EXOSC9: variants seen among roughly 807,000 people sequenced by gnomAD.
The protein encoded by EXOSC9 is exosome component 9.
Under a neutral mutation model 56.5 loss-of-function variants are expected in EXOSC9, and 38 were observed. The observed-to-expected ratio is 0.67, with a 90% CI of 0.52 to 0.88. The LOEUF (loss-of-function observed/expected upper bound fraction) is 0.88, where lower values mean the gene tolerates loss of function less well. EXOSC9 is among the 40% of genes least tolerant of loss of function. EXOSC9 has a pLI of 0.00. For missense variants in EXOSC9, 559 were observed against 530.5 expected, an observed-to-expected ratio of 1.05 and a Z score of -0.53; for synonymous variants, 170 against 170.8, an observed-to-expected ratio of 0.99 and a Z score of 0.04.
chr4:121,816,977 T>C lies in EXOSC9; in HGVS notation c.*121T>C, dbSNP rs3217779. 3.1e-4 allele frequency: 324 copies of C among 1,059,526 alleles called. 4 individuals are homozygous for C. In the East Asian group the frequency reaches 8.0e-3, roughly 26 times the overall value. The allele number at this position is 1,059,526 out of a possible 1,614,324, so 65.6% of individuals were successfully genotyped here. The stretch of plus-strand genomic sequence containing the variant: ...AAATCTAGCAGGATTTTAAAAATAG[T>C]TTTTTGTTTTTAATGTGCTTTAAAA... On this transcript the variant is annotated 3_prime_UTR_variant, in exon 12 of 12. Transcript: ENST00000243498.
chr4:121,816,460 T>G lies in EXOSC9; in HGVS notation c.1235+13T>G. 1 of 1,522,984 alleles carries G rather than the reference T, an allele frequency of 6.6e-7. No individual in the cohort carries two copies. Among genetic ancestry groups the G allele is most frequent in the Non-Finnish European group, 8.9e-7 (1 of 1,121,608 alleles). 94.3% of individuals were successfully genotyped at this position (1,522,984 alleles called of 1,614,324 possible). ...CAAAGAAAATAAGGTAACAAATTTC[T>G]GGTTTATTTCAAATGTATACATATA... On this transcript the variant is annotated intron_variant, in intron 11 of 11. Coordinates refer to ENST00000243498, the MANE Select transcript of EXOSC9 (RefSeq NM_005033.3).
intron 1 of EXOSC9, 137 bp from the exon 2 acceptor site, chr4:121,801,690 G>A (rs2149033354): frequency 2.4e-6 from 2 of 826,674 alleles, no homozygotes; most frequent in East Asian, 5.2e-5. Context: ...CCATGCTGTA[G>A]TTTCCACTTT....
chr4:121,803,023 G>A lies in EXOSC9; in HGVS notation c.384+6G>A. On this transcript the variant is annotated splice_donor_region_variant and intron_variant, in intron 4 of 11. Coordinates refer to ENST00000243498, the MANE Select transcript of EXOSC9 (RefSeq NM_005033.3). Reference sequence around the variant, plus strand: ...GTGTTGTTGCTGGTGAAAAGGTGGGGAATATGCCCATAATTCTTAATCTTA... The same window carrying A: ...GTGTTGTTGCTGGTGAAAAGGTGGGAAATATGCCCATAATTCTTAATCTTA... 5 of 1,573,016 alleles carry A rather than the reference G, an allele frequency of 3.2e-6. No individual in the cohort carries two copies. The Admixed American group carries it at 5.0e-5, about 16-fold the overall frequency.
intron 2 of EXOSC9, among the ~76,000 whole-genome samples, chr4:121,802,204 T>C (rs1209231769): frequency 3.3e-5 from 5 of 152,244 alleles, no homozygotes; most frequent in Non-Finnish European, 7.3e-5. Flanking sequence ...CTCACACTAA[T>C]ATAGAGATCT....
chr4:121,801,482 GAGA>G lies in EXOSC9; in HGVS notation c.64_66del (p.Lys22del), dbSNP rs746951132. 3.1e-6 allele frequency: 5 copies of G among 1,614,218 alleles called. No homozygotes were observed. The highest frequency in any genetic ancestry group is 2.7e-5 in the African/African-American group (2 of 75,058). On this transcript the variant is annotated inframe_deletion, in exon 1 of 12. Transcript: ENST00000243498. ...CCGCTTCCTACTCCGTGCCATCGAA[GAGA>G]AGAAGGTATGGTTTGGTGCCCGCAG...
intron 11 of EXOSC9, 100 bp from the exon 12 acceptor site, chr4:121,816,672 C>A: frequency 8.2e-7 from 1 of 1,217,364 alleles, no homozygotes; most frequent in Non-Finnish European, 1.1e-6. Flanking sequence ...TCATAGCTGA[C>A]ACATTTTAGA....
chr4:121,816,677 T>C, intron 11 of EXOSC9, 95 bp from the exon 12 acceptor site: 1 of 1,289,676 alleles, frequency 7.8e-7, no homozygotes, highest in Non-Finnish European at 1.0e-6. Flanking sequence ...GCTGACACAT[T>C]TTAGATCCTA....
intron 6 of EXOSC9, 166 bp from the exon 7 acceptor site, chr4:121,809,801 A>G: frequency 1.5e-6 from 1 of 656,864 alleles, no homozygotes; most frequent in Non-Finnish European, 2.7e-6. Flanking sequence ...GTTCATAAAC[A>G]CAATAATTTT....
intron 10 of EXOSC9, 75 bp downstream of exon 10, chr4:121,814,122 CATAAA>C: frequency 1.1e-6 from 1 of 880,514 alleles, no homozygotes; most frequent in Non-Finnish European, 1.8e-6. Context: ...ATATATAATG[CATAAA>C]ATGTGTGTAT....
rs370861791 is a variant in EXOSC9 at position 121,813,288 on chromosome 4, A to T, written c.882A>T (p.Thr294=). ...AGTCTATAGCAAATCAAAGGATCACAGCATTTAAAATGGAAAAGGCCCCTA... is the reference window on the plus strand; with the variant it reads ...AGTCTATAGCAAATCAAAGGATCACTGCATTTAAAATGGAAAAGGCCCCTA... ...FAESIANQRI[T]AFKMEKAPID... Residue 294 remains threonine (T), a synonymous_variant, in exon 9 of 12, where the codon ACA becomes ACT. Coordinates refer to ENST00000243498, the MANE Select transcript of EXOSC9 (RefSeq NM_005033.3). 6.2e-7 allele frequency: 1 copy of T among 1,614,010 alleles called. No homozygotes were observed. The highest frequency in any genetic ancestry group is 2.2e-5 in the East Asian group (1 of 44,852).
chr4:121,816,195 G>A (rs771377470), intron 10 of EXOSC9, 174 bp from the exon 11 acceptor site: 4 of 641,590 alleles, frequency 6.2e-6, no homozygotes, highest in Non-Finnish European at 1.1e-5. Flanking sequence ...CTGACCTCAG[G>A]TAATCCACCT....
intron 8 of EXOSC9, among the ~76,000 whole-genome samples, chr4:121,812,631 C>G (rs1215098218): frequency 6.6e-6 from 1 of 152,102 alleles, no homozygotes. Flanking sequence ...GCTGAGATTA[C>G]AGATGCATAC....
chr4:121,816,038 C>T (rs1724487167), intron 10 of EXOSC9: 5 of 961,006 alleles, frequency 5.2e-6, no homozygotes, highest in Non-Finnish European at 7.0e-6. Context: ...GGCACTGCAA[C>T]CTCCACCTCC....
Position 121,816,112 on chromosome 4 carries a change from C to T in EXOSC9, c.1157-257C>T, listed in dbSNP as rs761028977. On this transcript the variant is annotated intron_variant, in intron 10 of 11. Coordinates refer to ENST00000243498, the MANE Select transcript of EXOSC9 (RefSeq NM_005033.3). The stretch of plus-strand genomic sequence containing the variant: ...CTGGGCCTACAAGCACATGCCACCA[C>T]GCCTGGCTAATTTTTCTATTATTTT... 40 of 638,440 alleles carry T rather than the reference C, an allele frequency of 6.3e-5. No homozygotes were observed. The Middle Eastern group carries it at 1.6e-3, about 26-fold the overall frequency. The allele number at this position is 638,440 out of a possible 1,614,324, so 39.5% of individuals were successfully genotyped here.
chr4:121,807,381 G>C (rs548198936), intron 5 of EXOSC9, among the ~76,000 whole-genome samples, 159 bp from the exon 6 acceptor site: 5 of 152,158 alleles, frequency 3.3e-5, no homozygotes, highest in African/African-American at 9.7e-5. Context: ...TTTGAGGAAC[G>C]TGAGTGGCAA....
intron 5 of EXOSC9, among the ~76,000 whole-genome samples, chr4:121,805,233 A>G (rs1156961708): frequency 6.6e-6 from 1 of 152,240 alleles, no homozygotes; most frequent in East Asian, 1.9e-4. Context: ...GTTAAAACGT[A>G]TAGCCAGACT....
At chr4:121,803,705 A>G (rs906136554) in intron 4 of EXOSC9, among the ~76,000 whole-genome samples, 4 of 151,922 alleles carry the variant, frequency 2.6e-5, no homozygotes. Flanking sequence ...ACGCCCGGCT[A>G]ATTTTTGTAT....
In EXOSC9 at chr4:121,802,924, T is replaced by G; in HGVS notation, c.291T>G (p.Asp97Glu). The G allele has an allele frequency of 6.2e-7, 1 of 1,613,882 alleles. No homozygotes were observed. Among genetic ancestry groups the G allele is most frequent in the Non-Finnish European group, 8.5e-7 (1 of 1,179,788 alleles). The stretch of plus-strand genomic sequence containing the variant: ...TATTTTCTCCTTATAGGCAGTCAGA[T>G]CTCTTGGTGAAGTTGAATCGACTCA... The part of the protein sequence containing the change: ...APAFEPGRQS[D>E]LLVKLNRLME... Residue 97 changes from aspartate (D) to glutamate (E), a missense_variant, in exon 4 of 12, where the codon GAT (aspartate) becomes GAG (glutamate). Physicochemically the swap from Asp to Glu is conservative, Grantham distance 45. Transcript: ENST00000243498.
Position 121,816,446 on chromosome 4 carries a change from AG to A in EXOSC9, c.1235+1del. On this transcript the variant is annotated frameshift_variant and splice_region_variant, in exon 11 of 12. Coordinates refer to ENST00000243498, the MANE Select transcript of EXOSC9 (RefSeq NM_005033.3). LOFTEE classifies it high-confidence loss of function. ...ACCAGACAAGAATCCAAAGAAAATA[AG>A]GTAACAAATTTCTGGTTTATTTCAA... ...LEPDKNPKKI[R>X]TQTTSAKQEK... The A allele has an allele frequency of 6.4e-7, 1 of 1,559,214 alleles. No homozygotes were observed. Among genetic ancestry groups the A allele is most frequent in the African/African-American group, 1.4e-5 (1 of 72,306 alleles).
Sources: allele counts gnomAD v4.1 joint callset (sites outside exome capture counted in the v4.1 genomes callset), GRCh38; gene constraint gnomAD v4.1.1; transcripts MANE v1.5; gene names NCBI Gene and HGNC (gene_info 2026-07-23, HGNC 2026-07-21).